Variants in GTF3C1 observed in about 807,000 individuals in gnomAD.
GTF3C1 encodes the protein general transcription factor 3C polypeptide 1.
GTF3C1 carries 57 observed loss-of-function variants against 226.7 expected under a neutral mutation model. That is an observed-to-expected ratio of 0.25 (90% confidence interval 0.20 to 0.31). GTF3C1 has a LOEUF of 0.31. GTF3C1 is among the 10% of genes least tolerant of loss of function. The pLI, the probability that GTF3C1 is intolerant of heterozygous loss-of-function variation, is 1.00. For missense variants in GTF3C1, 2,217 were observed against 2,776.1 expected (o/e 0.80, Z 4.53); for synonymous variants, 1,090 against 1,084.8 (o/e 1.00, Z -0.09).
chr16:27,537,557 G>T, intron 4 of GTF3C1, among the ~76,000 whole-genome samples: 1 of 152,030 alleles, frequency 6.6e-6, no homozygotes, highest in Non-Finnish European at 1.5e-5. Flanking sequence ...CTACAGGTGT[G>T]CACCACCACG....
At chr16:27,526,947 T>C (rs1351204092) in intron 6 of GTF3C1, among the ~76,000 whole-genome samples, 1 of 152,262 alleles carries the variant, frequency 6.6e-6, no homozygotes, top group African/African-American at 2.4e-5. Context: ...GGCTCACGCC[T>C]ATAATCCCAG....
Position 27,506,831 on chromosome 16 carries a change from C to T in GTF3C1, c.1552+16G>A, listed in dbSNP as rs1383740036. 2 of 1,581,114 alleles carry T rather than the reference C, an allele frequency of 1.3e-6. No individual in the cohort carries two copies. The highest frequency in any genetic ancestry group is 2.7e-5 in the African/African-American group (2 of 74,004). On this transcript the variant is annotated intron_variant, in intron 9 of 36. Transcript: ENST00000356183. Reference sequence around the variant, plus strand: ...TGCAGTGCACGCAGCCCCTGCCCACCCCACGTGCTCCCTACCCTTGGTTGG... The same window carrying T: ...TGCAGTGCACGCAGCCCCTGCCCACTCCACGTGCTCCCTACCCTTGGTTGG...
intron 10 of GTF3C1, among the ~76,000 whole-genome samples, chr16:27,503,972 G>A (rs1006844631): frequency 6.6e-6 from 1 of 152,106 alleles, no homozygotes; most frequent in African/African-American, 2.4e-5. Flanking sequence ...ACAGTTCTTT[G>A]CTGAAGGGGG....
rs377721127 is a variant in GTF3C1, at chr16:27,481,046, G to A, written c.4196+33C>T. 7 of 1,557,086 alleles carry A rather than the reference G, an allele frequency of 4.5e-6. No individual in the cohort carries two copies. The African/African-American group carries it at 9.5e-5, about 21-fold the overall frequency. ...CTGGCCTTTTCTTCTTGCCCTGCGA[G>A]GGCCACATGGAACCATCCCAGAAAC... On this transcript the variant is annotated intron_variant, in intron 27 of 36. Transcript: ENST00000356183.
At chr16:27,543,909 G>A (rs186286835) in intron 2 of GTF3C1, among the ~76,000 whole-genome samples, 1 of 152,288 alleles carries the variant, frequency 6.6e-6, no homozygotes, top group African/African-American at 2.4e-5. Context: ...CAGGAATCAG[G>A]ATTGCAGTGG....
In GTF3C1 at chr16:27,471,664, TG is replaced by T; in HGVS notation, c.4526+83del. 1 of 1,130,774 alleles carries T rather than the reference TG, an allele frequency of 8.8e-7. No homozygotes were observed. The highest frequency in any genetic ancestry group is 1.3e-6 in the Non-Finnish European group (1 of 765,094). 70.0% of individuals were successfully genotyped at this position (1,130,774 alleles called of 1,614,324 possible). On this transcript the variant is annotated intron_variant, in intron 30 of 36. Transcript: ENST00000356183. The surrounding 1 kb of genome is among the most constrained non-coding windows in gnomAD (Gnocchi z 5.0). The stretch of plus-strand genomic sequence containing the variant: ...GGTCCCTGGCTCCTACACGCTTTCA[TG>T]GCCACAGTGCTTCCTTTGCTCCTCT...
At chr16:27,549,014 C>T (rs1042421359) in intron 1 of GTF3C1, among the ~76,000 whole-genome samples, 2 of 152,096 alleles carry the variant, frequency 1.3e-5, no homozygotes, top group Non-Finnish European at 1.5e-5. Flanking sequence ...ATTAGCCGGG[C>T]GTGGTGGAAC....
At chr16:27,475,710 C>T (rs980353023) in intron 29 of GTF3C1, among the ~76,000 whole-genome samples, 4 of 152,108 alleles carry the variant, frequency 2.6e-5, no homozygotes, top group Non-Finnish European at 4.4e-5. Context: ...TTCTTTCAGC[C>T]GCAGTAGAGC....
At chr16:27,546,475 T>C (rs1487275165) in intron 1 of GTF3C1, among the ~76,000 whole-genome samples, 1 of 110,802 alleles carries the variant, frequency 9.0e-6, no homozygotes, top group East Asian at 2.1e-4. Context: ...TTGTCAAGTT[T>C]TTTTTTTTTT....
chr16:27,466,240 C>T (rs1182629242), intron 32 of GTF3C1: 3 of 152,242 alleles, frequency 2.0e-5, no homozygotes, highest in African/African-American at 4.8e-5. Flanking sequence ...AGTCTACGGG[C>T]ACCACTTTCA....
chr16:27,473,864 T>A (rs2087913249), intron 29 of GTF3C1, among the ~76,000 whole-genome samples: 1 of 152,250 alleles, frequency 6.6e-6, no homozygotes, highest in African/African-American at 2.4e-5. Context: ...TACACCATCA[T>A]CCTTCCCTAG....
At chr16:27,542,865 T>A (rs542857587) in intron 2 of GTF3C1, among the ~76,000 whole-genome samples, 3 of 152,358 alleles carry the variant, frequency 2.0e-5, no homozygotes, top group African/African-American at 7.2e-5. Context: ...TTGAGCATCC[T>A]AGCCTGCAGC....
At chr16:27,465,930 T>A (rs2087781065) in intron 32 of GTF3C1, 1 of 241,990 alleles carries the variant, frequency 4.1e-6, no homozygotes, top group African/African-American at 2.2e-5. Context: ...GTACCCACTG[T>A]TCCTTAGACC....
chr16:27,532,310 C>G (rs2088928355), intron 5 of GTF3C1, among the ~76,000 whole-genome samples: 1 of 152,180 alleles, frequency 6.6e-6, no homozygotes, highest in Non-Finnish European at 1.5e-5. Context: ...AATCAGAGAA[C>G]TCCATCGATG....
intron 8 of GTF3C1, 141 bp downstream of exon 8, chr16:27,508,399 T>G (rs984165107): frequency 3.2e-6 from 2 of 629,234 alleles, no homozygotes; most frequent in African/African-American, 3.7e-5. Flanking sequence ...GGCTATGGAC[T>G]GCACTCAGCC....
rs1379451127 is a variant in GTF3C1 at position 27,492,256 on chromosome 16, A to G, written c.3151+82T>C. 2.3e-5 allele frequency: 19 copies of G among 832,506 alleles called. No individual in the cohort carries two copies. Among genetic ancestry groups the G allele is most frequent in the South Asian group, 1.6e-4 (10 of 61,768 alleles). The allele number at this position is 832,506 out of a possible 1,614,324, so 51.6% of individuals were successfully genotyped here. A position where few individuals can be genotyped will look rare whatever the true frequency, so the allele number is the denominator to read the frequency against. The stretch of plus-strand genomic sequence containing the variant: ...CATACCACTGGTTGAGGCAACTCCT[A>G]GGCTTTTCTAGCCCTAAATCCCAGT... On this transcript the variant is annotated intron_variant, in intron 19 of 36. Transcript: ENST00000356183. This position sits in a 1 kb window ranked among gnomAD's most constrained non-coding sequence, Gnocchi z 5.0.
intron 33 of GTF3C1, 62 bp downstream of exon 33, chr16:27,465,198 C>A (rs1272442129): frequency 1.3e-6 from 2 of 1,493,188 alleles, no homozygotes; most frequent in Non-Finnish European, 1.9e-6. Context: ...TCAGTGTGCA[C>A]CTGGCCTGGG....
In GTF3C1 at chr16:27,492,832, G is replaced by A; in HGVS notation, c.2877-119C>T. The A allele has an allele frequency of 2.9e-6, 2 of 698,760 alleles. No homozygotes were observed. Among genetic ancestry groups the A allele is most frequent in the East Asian group, 5.2e-5 (2 of 38,760 alleles). The allele number at this position is 698,760 out of a possible 1,614,324, so 43.3% of individuals were successfully genotyped here. A position where few individuals can be genotyped will look rare whatever the true frequency, so the allele number is the denominator to read the frequency against. On this transcript the variant is annotated intron_variant, in intron 17 of 36. Coordinates refer to ENST00000356183, the MANE Select transcript of GTF3C1 (RefSeq NM_001520.4). The surrounding 1 kb of genome is among the most constrained non-coding windows in gnomAD (Gnocchi z 5.0). Reference sequence around the variant, plus strand: ...TTCTCTTTTCCACCTGGTGGTCACTGGAGGACCAGCCTCAAGCCCACACTG... The same window carrying A: ...TTCTCTTTTCCACCTGGTGGTCACTAGAGGACCAGCCTCAAGCCCACACTG...
At chr16:27,485,641 G>C (rs145179053) in intron 24 of GTF3C1, among the ~76,000 whole-genome samples, 2 of 152,194 alleles carry the variant, frequency 1.3e-5, no homozygotes, top group African/African-American at 4.8e-5. Flanking sequence ...TATGTATGCA[G>C]CTGAAAGCTA....
Sources: gnomAD v4.1 joint callset for allele counts (sites outside exome capture counted in the v4.1 genomes callset) on GRCh38, gnomAD v4.1.1 for gene constraint, Gnocchi (gnomAD v3.1) non-coding constraint, MANE v1.5 for transcripts, NCBI Gene and HGNC (gene_info 2026-07-23, HGNC 2026-07-21) for gene names.